Variants in ITIH5 observed in about 807,000 individuals in gnomAD.
ITIH5 encodes the protein inter-alpha-trypsin inhibitor heavy chain H5.
In ITIH5, 65 loss-of-function variants were observed where a neutral mutation model predicts 77.5. The ratio of observed to expected loss-of-function variants is 0.84; its 90% CI spans 0.69 to 1.03. ITIH5 has a LOEUF of 1.03. Among genes scored for constraint, ITIH5 ranks in the 50% least tolerant of loss-of-function variants. The pLI is 0.00. For missense variants in ITIH5, 1,208 were observed against 1,213.1 expected (o/e 1.00, Z 0.06); for synonymous variants, 525 against 494.3 (o/e 1.06, Z -0.82).
At chr10:7,666,717 G>A (rs569074734) in intron 1 of ITIH5, 86 bp downstream of exon 1, 2 of 1,090,090 alleles carry the variant, frequency 1.8e-6, no homozygotes, top group African/African-American at 1.6e-5. Context: ...CGGTCGAAGG[G>A]GGCCCGGGCA....
chr10:7,616,453 T>C (rs1833369032), intron 6 of ITIH5, among the ~76,000 whole-genome samples: 1 of 152,168 alleles, frequency 6.6e-6, no homozygotes, highest in African/African-American at 2.4e-5. Context: ...ACATTCTGGA[T>C]GCAATTAATA....
intron 10 of ITIH5, 85 bp from the exon 11 acceptor site, chr10:7,573,280 CA>C: frequency 1.8e-6 from 2 of 1,087,554 alleles, no homozygotes; most frequent in Admixed American, 1.8e-5. Flanking sequence ...GAGACATGAG[CA>C]AAACACAGCT....
At chr10:7,641,646 AAGGAAGGGAGGG>A (rs1264478534) in intron 3 of ITIH5, among the ~76,000 whole-genome samples, 2 of 83,898 alleles carry the variant, frequency 2.4e-5, no homozygotes, top group East Asian at 6.1e-4. Context: ...AAAAGGAAGG[AAGGAAGGGAGGG>A]AGGGAGGGAG....
At chr10:7,661,101 T>A (rs1834269554) in intron 1 of ITIH5, among the ~76,000 whole-genome samples, 1 of 152,202 alleles carries the variant, frequency 6.6e-6, no homozygotes, top group African/African-American at 2.4e-5. Context: ...GGTTGTGTTC[T>A]CCTTACGAGA....
chr10:7,639,101 C>G (rs765919333), intron 4 of ITIH5, among the ~76,000 whole-genome samples: 2 of 152,224 alleles, frequency 1.3e-5, no homozygotes, highest in East Asian at 3.9e-4. Context: ...TGATAAAGAC[C>G]ACTTGGGATA....
chr10:7,590,506 G>T (rs1832771947), intron 7 of ITIH5, among the ~76,000 whole-genome samples: 1 of 152,250 alleles, frequency 6.6e-6, no homozygotes, highest in Non-Finnish European at 1.5e-5. Flanking sequence ...GTGTGCACGT[G>T]TGATTTTAAA....
rs1465707840 is a variant in ITIH5, at chr10:7,569,658, T to C, written c.2149+10A>G. The C allele has an allele frequency of 2.5e-6, 4 of 1,576,396 alleles. No individual in the cohort carries two copies. Among genetic ancestry groups the C allele is most frequent in the African/African-American group, 1.4e-5 (1 of 73,764 alleles). On this transcript the variant is annotated intron_variant, in intron 12 of 13. Transcript: ENST00000397146. ...CTTGCCCAGATGCTGCAGCGGAAGG[T>C]AGAACTTACCAGAGTCCCTGTGATC...
intron 2 of ITIH5, among the ~76,000 whole-genome samples, chr10:7,644,577 CAT>C (rs1335256395): frequency 5.1e-5 from 3 of 58,380 alleles, no homozygotes; most frequent in African/African-American, 7.8e-5. Context: ...ATATATATCA[CAT>C]ATATCACATA....
At chr10:7,575,046 T>C (rs978122505) in intron 10 of ITIH5, among the ~76,000 whole-genome samples, 2 of 152,186 alleles carry the variant, frequency 1.3e-5, no homozygotes, top group Non-Finnish European at 2.9e-5. Flanking sequence ...AAAAATTGTG[T>C]ACGTTTTGCC....
intron 1 of ITIH5, among the ~76,000 whole-genome samples, chr10:7,657,795 T>C (rs926343645): frequency 2.0e-5 from 3 of 152,230 alleles, no homozygotes; most frequent in African/African-American, 7.2e-5. Context: ...TAGTCCCTTC[T>C]GAGCCAAGCA....
Position 7,601,058 on chromosome 10 carries a change from AT to A in ITIH5, c.939+14923del, listed in dbSNP as rs1564253930. On this transcript the variant is annotated intron_variant, in intron 7 of 13. Transcript: ENST00000397146. Reference sequence around the variant, plus strand: ...AGACTATGGCACCACTAAATATAACATTTTTTGCTACCAGTGGGGAAAGAGC... The same window carrying A: ...AGACTATGGCACCACTAAATATAACATTTTTGCTACCAGTGGGGAAAGAGC... Among the ~76,000 whole-genome samples the A allele has an allele frequency of 1.3e-5, 2 of 152,092 alleles. 1 individual carries two copies. The highest frequency in any genetic ancestry group is 4.2e-4 in the South Asian group (2 of 4,818).
intron 9 of ITIH5, 134 bp from the exon 10 acceptor site, chr10:7,577,146 C>T: frequency 1.5e-6 from 1 of 676,524 alleles, no homozygotes; most frequent in Admixed American, 3.1e-5. Context: ...ACATGGCACC[C>T]CACACAATAT....
chr10:7,604,376 T>C (rs1833080343), intron 7 of ITIH5, among the ~76,000 whole-genome samples: 1 of 152,214 alleles, frequency 6.6e-6, no homozygotes, highest in East Asian at 1.9e-4. Context: ...AGCTCTCATC[T>C]GCTGTTCCCA....
At chr10:7,625,191 A>C (rs574698274) in intron 5 of ITIH5, among the ~76,000 whole-genome samples, 77 of 152,238 alleles carry the variant, frequency 5.1e-4, no homozygotes, top group African/African-American at 1.8e-3. Context: ...AAATGTTGAC[A>C]TGTGGTACAA....
chr10:7,629,493 GCGTGTGTC>G (rs1833676178), intron 5 of ITIH5, among the ~76,000 whole-genome samples: 1 of 150,910 alleles, frequency 6.6e-6, no homozygotes, highest in African/African-American at 2.4e-5. Context: ...CCATGTTGTA[GCGTGTGTC>G]CATGTTGCAG....
intron 13 of ITIH5, among the ~76,000 whole-genome samples, chr10:7,564,609 G>A (rs960076034): frequency 3.9e-5 from 6 of 152,000 alleles, no homozygotes; most frequent in South Asian, 2.1e-4. Context: ...GGTAGTATGC[G>A]ACACTATCTA....
chr10:7,581,164 G>A (rs12774458), intron 8 of ITIH5, among the ~76,000 whole-genome samples: 97,093 of 152,088 alleles, frequency 0.64, 31,112 homozygotes, highest in East Asian at 0.75. Flanking sequence ...GATGGCTAAG[G>A]TCAGAAAATC....
At chr10:7,658,818 G>C (rs974276012) in intron 1 of ITIH5, among the ~76,000 whole-genome samples, 2 of 152,134 alleles carry the variant, frequency 1.3e-5, no homozygotes, top group African/African-American at 4.8e-5. Flanking sequence ...CAGGTAGCAG[G>C]CTTTAGAGGG....
At chr10:7,619,645 A>G in intron 5 of ITIH5, 1 of 355,228 alleles carries the variant, frequency 2.8e-6, no homozygotes, top group Non-Finnish European at 5.9e-6. Flanking sequence ...CGCAAAGCGA[A>G]CACGTCTACA....
Sources: gnomAD v4.1 joint callset for allele counts (sites outside exome capture counted in the v4.1 genomes callset) on GRCh38, gnomAD v4.1.1 for gene constraint, MANE v1.5 for transcripts, NCBI Gene and HGNC (gene_info 2026-07-23, HGNC 2026-07-21) for gene names.